ASCC1: variants seen among roughly 807,000 people sequenced by gnomAD.
The protein encoded by ASCC1 is ASC-1 complex subunit P50.
Under a neutral mutation model 46.6 loss-of-function variants are expected in ASCC1, and 35 were observed. That is an observed-to-expected ratio of 0.75 (90% CI 0.57 to 0.99). The LOEUF (loss-of-function observed/expected upper bound fraction) is 0.99, where lower values mean the gene tolerates loss of function less well. ASCC1 is among the 50% of genes least tolerant of loss of function. The pLI, the probability that ASCC1 is intolerant of heterozygous loss-of-function variation, is 0.00. For missense variants in ASCC1, 376 were observed against 428.7 expected (o/e 0.88, Z 1.09); for synonymous variants, 143 against 146.6 (o/e 0.98, Z 0.18).
intron 7 of ASCC1, among the ~76,000 whole-genome samples, chr10:72,138,763 G>C (rs192027387): frequency 6.6e-6 from 1 of 152,132 alleles, no homozygotes; most frequent in Middle Eastern, 3.4e-3. Context: ...GCAGAGATGG[G>C]GTTTTGCCAT....
At chr10:72,183,718 G>A (rs1852995381) in intron 5 of ASCC1, among the ~76,000 whole-genome samples, 1 of 152,120 alleles carries the variant, frequency 6.6e-6, no homozygotes, top group South Asian at 2.1e-4. Context: ...AGAATTATAT[G>A]TTCACAGTCC....
At chr10:72,106,087 G>C (rs1275731871) in intron 9 of ASCC1, among the ~76,000 whole-genome samples, 1 of 152,080 alleles carries the variant, frequency 6.6e-6, no homozygotes, top group African/African-American at 2.4e-5. Flanking sequence ...AGACAAAGCT[G>C]TGGTTACTCT....
At chr10:72,210,370 G>A (rs1202376359) in intron 3 of ASCC1, among the ~76,000 whole-genome samples, 2 of 152,018 alleles carry the variant, frequency 1.3e-5, no homozygotes, top group Non-Finnish European at 2.9e-5. Flanking sequence ...ATGTTGACCA[G>A]GCTGGTCTTG....
intron 7 of ASCC1, among the ~76,000 whole-genome samples, chr10:72,151,199 A>G (rs1848278814): frequency 6.6e-6 from 1 of 152,232 alleles, no homozygotes; most frequent in East Asian, 1.9e-4. Flanking sequence ...ACCAACCCGA[A>G]TGTCCATCAA....
rs1234552481 is a variant in ASCC1, at chr10:72,128,106, T to C, written c.933A>G (p.Ser311=). The change falls in exon 9 of 10, where the codon TCA becomes TCG. Residue 311 remains serine (S), a synonymous_variant. Coordinates refer to ENST00000672957, the MANE Select transcript of ASCC1 (RefSeq NM_001198800.3). ...CCTTTAAAATATTTCGGCCATCAAA[T>C]GATTCTCTTTCCTTGAAGATATATT... The part of the protein sequence containing the change: ...EGKYIFKERE[S]FDGRNILKLF... The C allele has an allele frequency of 1.2e-6, 2 of 1,613,916 alleles. No homozygotes were observed. The highest frequency in any genetic ancestry group is 1.7e-5 in the Admixed American group (1 of 60,008).
chr10:72,196,471 G>A (rs769023649), intron 5 of ASCC1, among the ~76,000 whole-genome samples: 9 of 151,926 alleles, frequency 5.9e-5, no homozygotes, highest in Middle Eastern at 3.4e-3. Flanking sequence ...TAGTAGAGAC[G>A]GGGTTTCACC....
intron 6 of ASCC1, 103 bp downstream of exon 6, chr10:72,161,435 C>A (rs909428287): frequency 2.0e-4 from 289 of 1,449,402 alleles, no homozygotes; most frequent in Non-Finnish European, 2.6e-4. Context: ...TCACATGAGT[C>A]CTTCCCATGT....
At chr10:72,197,071 GA>G in intron 4 of ASCC1, 82 bp from the exon 5 acceptor site, 1 of 1,389,518 alleles carries the variant, frequency 7.2e-7, no homozygotes. Flanking sequence ...TGTCACCTCT[GA>G]GGAGCTAAAG....
intron 9 of ASCC1, among the ~76,000 whole-genome samples, chr10:72,102,134 A>G (rs1035629398): frequency 6.6e-6 from 1 of 152,138 alleles, no homozygotes; most frequent in African/African-American, 2.4e-5. Context: ...CCCCAAACCT[A>G]AAATAAAAAT....
At chr10:72,150,987 C>A (rs1010821981) in intron 7 of ASCC1, among the ~76,000 whole-genome samples, 1 of 152,208 alleles carries the variant, frequency 6.6e-6, no homozygotes, top group African/African-American at 2.4e-5. Flanking sequence ...AACGCTTTTA[C>A]ACTGTTGGTG....
At chr10:72,170,319 AG>A (rs2132826149) in intron 5 of ASCC1, among the ~76,000 whole-genome samples, 1 of 152,300 alleles carries the variant, frequency 6.6e-6, no homozygotes, top group East Asian at 1.9e-4. Flanking sequence ...ATCACCAATG[AG>A]GGACACTGTA....
rs76994353 is a variant in ASCC1 at position 72,203,973 on chromosome 10, C to T, written c.213-449G>A. Among the ~76,000 whole-genome samples the T allele has an allele frequency of 1.1e-4, 16 of 151,966 alleles. No individual in the cohort carries two copies. The East Asian group carries it at 2.7e-3, about 26-fold the overall frequency. Reference sequence around the variant, plus strand: ...TCTCTAAAAAAATATTTTAGGCTGGCGGCAGTGGCTCACGCCTGTAATCCC... The same window carrying T: ...TCTCTAAAAAAATATTTTAGGCTGGTGGCAGTGGCTCACGCCTGTAATCCC... On this transcript the variant is annotated intron_variant, in intron 3 of 9. Transcript: ENST00000672957.
intron 5 of ASCC1, among the ~76,000 whole-genome samples, chr10:72,167,379 T>G (rs1850486354): frequency 6.6e-6 from 1 of 152,194 alleles, no homozygotes; most frequent in South Asian, 2.1e-4. Flanking sequence ...TATGATTCTA[T>G]CTACATGAAA....
chr10:72,199,703 C>T (rs1293238897), intron 4 of ASCC1, among the ~76,000 whole-genome samples: 1 of 152,094 alleles, frequency 6.6e-6, no homozygotes, highest in Non-Finnish European at 1.5e-5. Flanking sequence ...GCTAACACGC[C>T]TGCCTAGTTT....
At chr10:72,157,694 T>G (rs187171326) in intron 6 of ASCC1, among the ~76,000 whole-genome samples, 2 of 152,312 alleles carry the variant, frequency 1.3e-5, no homozygotes, top group Non-Finnish European at 2.9e-5. Context: ...CTGAGTGTAC[T>G]TAACACTACT....
At position 72,182,559 on chromosome 10, in the gene ASCC1, T is replaced by C. The variant is rs138322234; in HGVS notation, c.489+14252A>G. On this transcript the variant is annotated intron_variant, in intron 5 of 9. Transcript: ENST00000672957. ...ACAACAACAAAAAAAGGCTAGATAC[T>C]ATATGGGATAAATATATATAAGGAA... Among the ~76,000 whole-genome samples, 13 of 152,242 alleles carry C rather than the reference T, an allele frequency of 8.5e-5. No individual in the cohort carries two copies. The East Asian group carries it at 2.5e-3, about 29-fold the overall frequency.
At chr10:72,190,660 G>C (rs1854287764) in intron 5 of ASCC1, 1 of 712,526 alleles carries the variant, frequency 1.4e-6, no homozygotes, top group African/African-American at 1.8e-5. Context: ...GTCTGTTAAA[G>C]CTAGTCTGCA....
intron 9 of ASCC1, among the ~76,000 whole-genome samples, chr10:72,115,717 T>C (rs1200681408): frequency 6.6e-6 from 1 of 152,184 alleles, no homozygotes; most frequent in Non-Finnish European, 1.5e-5. Context: ...TGTTTTGGTA[T>C]AATGGTAGAG....
chr10:72,196,061 T>C (rs11000213), intron 5 of ASCC1, among the ~76,000 whole-genome samples: 20,810 of 152,108 alleles, frequency 0.14, 4,065 homozygotes, highest in African/African-American at 0.43. Context: ...AAACTTGTTT[T>C]CTAATCTGGA....
Sources: gnomAD v4.1 joint callset for allele counts (sites outside exome capture counted in the v4.1 genomes callset) on GRCh38, gnomAD v4.1.1 for gene constraint, MANE v1.5 for transcripts, NCBI Gene and HGNC (gene_info 2026-07-23, HGNC 2026-07-21) for gene names.